CHRD: variants seen among roughly 807,000 people sequenced by gnomAD.
The protein encoded by CHRD is chordin.
A neutral mutation model predicts 113.7 loss-of-function variants in CHRD; 69 were observed. The ratio of observed to expected loss-of-function variants is 0.61; its 90% CI spans 0.50 to 0.74. The LOEUF is 0.74. CHRD is among the 30% of genes least tolerant of loss of function. CHRD has a pLI of 0.00. For missense variants in CHRD, 1,194 were observed against 1,295.8 expected (o/e 0.92, Z 1.21); for synonymous variants, 561 against 540.8 (o/e 1.04, Z -0.52).
At position 184,384,070 on chromosome 3, in the gene CHRD, C is replaced by T. The variant is rs1212486027; in HGVS notation, c.1440+428C>T. Among the ~76,000 whole-genome samples, 3 of 152,130 alleles carry T rather than the reference C, an allele frequency of 2.0e-5. No individual in the cohort carries two copies. The highest frequency in any genetic ancestry group is 1.9e-4 in the East Asian group (1 of 5,180). On this transcript the variant is annotated intron_variant, in intron 12 of 22. Transcript: ENST00000204604. The surrounding 1 kb of genome is among the most constrained non-coding windows in gnomAD (Gnocchi z 4.4). The stretch of plus-strand genomic sequence containing the variant: ...GATTACAGGCGAGAGCCACCGTGCC[C>T]GGCATGATTTGACATTTTTAGTGAG...
At position 184,388,628 on chromosome 3, in the gene CHRD, G is replaced by C; in HGVS notation, c.2596G>C (p.Ala866Pro). 1 of 1,613,214 alleles carries C rather than the reference G, an allele frequency of 6.2e-7. No individual in the cohort carries two copies. ...CCCCCAGCTGGGGGACCCCATGCAG[G>C]CTGATGGGCCCCGGGGCTGCCGTTT... The change falls in exon 21 of 23, where the codon GCT becomes CCT. Residue 866 changes from alanine (A) to proline (P), a missense_variant. Transcript: ENST00000204604. The surrounding 1 kb of genome is among the most constrained non-coding windows in gnomAD (Gnocchi z 6.1).
exon 16 of CHRD, chr3:184,386,503 C>T: frequency 5.8e-6 from 9 of 1,539,744 alleles, no homozygotes; most frequent in Non-Finnish European, 7.8e-6. Context: ...TGCACATAGC[C>T]AACCAATGTG....
chr3:184,381,878 G>A lies in CHRD; in HGVS notation c.612-55G>A, dbSNP rs549792556. The A allele has an allele frequency of 2.4e-4, 379 of 1,611,830 alleles. No homozygotes were observed. In the African/African-American group the frequency reaches 4.7e-3, roughly 20 times the overall value. On this transcript the variant is annotated intron_variant, in intron 5 of 22. Transcript: ENST00000204604. This position sits in a 1 kb window ranked among gnomAD's most constrained non-coding sequence, Gnocchi z 4.7. ...GGGGCCCGGGAGGGAAACTGGGAGAGCTGGGAGGGGCTGCTTTTGGCTCAG... is the reference window on the plus strand; with the variant it reads ...GGGGCCCGGGAGGGAAACTGGGAGAACTGGGAGGGGCTGCTTTTGGCTCAG...
rs1296780028 is a variant in CHRD at position 184,387,947 on chromosome 3, T to A, written c.2468T>A (p.Val823Glu). ...TCCCTACAGGGGGGCACTGGAGAGGTGCACTGTGAGAAGGTGCAGTGTCCC... is the reference window on the plus strand; with the variant it reads ...TCCCTACAGGGGGGCACTGGAGAGGAGCACTGTGAGAAGGTGCAGTGTCCC... The change falls in exon 20 of 23, where the codon GTG becomes GAG. Residue 823 changes from valine to glutamate, a missense_variant. By Grantham distance (121) the Val-to-Glu change is moderately radical (BLOSUM62 -2). Transcript: ENST00000204604. The surrounding 1 kb of genome is among the most constrained non-coding windows in gnomAD (Gnocchi z 6.1). The A allele has an allele frequency of 6.2e-7, 1 of 1,612,520 alleles. No homozygotes were observed. The highest frequency in any genetic ancestry group is 8.5e-7 in the Non-Finnish European group (1 of 1,179,666).
At chr3:184,386,737 C>T (rs549390781) in exon 16 of CHRD, 3 of 1,612,952 alleles carry the variant, frequency 1.9e-6, no homozygotes, top group East Asian at 4.5e-5. Context: ...ACCCGCTCTG[C>T]TCACTCTGCA....
At position 184,387,845 on chromosome 3, in the gene CHRD, C is replaced by T; in HGVS notation, c.2452-86C>T. ...TGAGTAAAAGGCCACAGAGAGACTG[C>T]ATTTGAGGTGTGGAATAGGAGAGGG... On this transcript the variant is annotated intron_variant, in intron 19 of 22. Transcript: ENST00000204604. This position sits in a 1 kb window ranked among gnomAD's most constrained non-coding sequence, Gnocchi z 6.1. 8.3e-7 allele frequency: 1 copy of T among 1,208,530 alleles called. No homozygotes were observed. Among genetic ancestry groups the T allele is most frequent in the South Asian group, 1.3e-5 (1 of 77,078 alleles). 74.9% of individuals were successfully genotyped at this position (1,208,530 alleles called of 1,614,324 possible).
At position 184,384,812 on chromosome 3, in the gene CHRD, G is replaced by A; in HGVS notation, c.1597+119G>A. 7.3e-7 allele frequency: 1 copy of A among 1,376,534 alleles called. No individual in the cohort carries two copies. The highest frequency in any genetic ancestry group is 2.4e-5 in the East Asian group (1 of 41,914). The allele number at this position is 1,376,534 out of a possible 1,614,324, so 85.3% of individuals were successfully genotyped here. A position where few individuals can be genotyped will look rare whatever the true frequency, so the allele number is the denominator to read the frequency against. On this transcript the variant is annotated intron_variant, in intron 13 of 22. Transcript: ENST00000204604. This position sits in a 1 kb window ranked among gnomAD's most constrained non-coding sequence, Gnocchi z 4.4. ...GCCTAAGCTCCGGTTGCCATCTGAA[G>A]GTGGGGACATATAGGGTGGCCCTGC...
chr3:184,387,125 G>T lies in CHRD; in HGVS notation c.2347+18G>T, dbSNP rs375183273. ...AGGAGAGGGTGAGCTGGAAGGGTGCGTGCAGGGTGGGAGGCCCCAGAGGAG... is the reference window on the plus strand; with the variant it reads ...AGGAGAGGGTGAGCTGGAAGGGTGCTTGCAGGGTGGGAGGCCCCAGAGGAG... On this transcript the variant is annotated intron_variant, in intron 18 of 22. Transcript: ENST00000204604. This position sits in a 1 kb window ranked among gnomAD's most constrained non-coding sequence, Gnocchi z 6.1. The T allele has an allele frequency of 6.2e-7, 1 of 1,611,838 alleles. No homozygotes were observed. Among genetic ancestry groups the T allele is most frequent in the Non-Finnish European group, 8.5e-7 (1 of 1,177,892 alleles).
chr3:184,381,794 G>C lies in CHRD; in HGVS notation c.590G>C (p.Arg197Pro). Residue 197 changes from arginine (R) to proline (P), a missense_variant, in exon 5 of 23, where the codon CGC becomes CCC. Transcript: ENST00000204604. This position sits in a 1 kb window ranked among gnomAD's most constrained non-coding sequence, Gnocchi z 4.7. The stretch of plus-strand genomic sequence containing the variant: ...GTCTCGCTGCTGCGCTCTAGCCTCC[G>C]CTTCTCTATCTCCTACAGGCGGTGA... The C allele has an allele frequency of 6.2e-7, 1 of 1,613,340 alleles. No individual in the cohort carries two copies. Among genetic ancestry groups the C allele is most frequent in the South Asian group, 1.1e-5 (1 of 91,030 alleles).
At chr3:184,386,541 C>T in exon 16 of CHRD, 4 of 1,535,176 alleles carry the variant, frequency 2.6e-6, no homozygotes, top group Non-Finnish European at 3.5e-6. Context: ...CTGGAGGCGG[C>T]CGGGGCCGAG....
At chr3:184,382,501 C>G in exon 7 of CHRD, 1 of 1,613,990 alleles carries the variant, frequency 6.2e-7, no homozygotes, top group Non-Finnish European at 8.5e-7. Flanking sequence ...GTCTGGGGGC[C>G]TCTCATCCGG....
At position 184,387,185 on chromosome 3, in the gene CHRD, G is replaced by T; in HGVS notation, c.2347+78G>T. On this transcript the variant is annotated intron_variant, in intron 18 of 22. Transcript: ENST00000204604. The surrounding 1 kb of genome is among the most constrained non-coding windows in gnomAD (Gnocchi z 6.1). ...TGAACCAGGAGGGGGACAAGAAGGG[G>T]AGAGTATATAGGGGGTGGCCTGAGG... 7.0e-7 allele frequency: 1 copy of T among 1,438,626 alleles called. No homozygotes were observed. Among genetic ancestry groups the T allele is most frequent in the South Asian group, 1.2e-5 (1 of 86,914 alleles). The allele number at this position is 1,438,626 out of a possible 1,614,324, so 89.1% of individuals were successfully genotyped here. A position where few individuals can be genotyped will look rare whatever the true frequency, so the allele number is the denominator to read the frequency against.
rs576727607 is a variant in CHRD, at chr3:184,388,836, G to T, written c.2710-57G>T. 8.7e-6 allele frequency: 14 copies of T among 1,604,420 alleles called. No homozygotes were observed. In the Admixed American group the frequency reaches 2.0e-4, roughly 23 times the overall value. On this transcript the variant is annotated intron_variant, in intron 21 of 22. Coordinates refer to ENST00000204604, the Ensembl canonical transcript of CHRD. The surrounding 1 kb of genome is among the most constrained non-coding windows in gnomAD (Gnocchi z 6.1). ...AGGGAGGTCCCTGAAGAAGCTGAAG[G>T]TCACTGTGTCCCAGTGCCTCTGGGG... is the stretch of plus-strand genomic sequence containing the variant.
chr3:184,383,399 A>T (rs769821756), exon 11 of CHRD: 1 of 1,613,980 alleles, frequency 6.2e-7, no homozygotes, highest in Admixed American at 1.7e-5. Context: ...CTGCTAGGAA[A>T]TGGCTCCCTG....
chr3:184,387,416 C>T lies in CHRD; in HGVS notation c.2390C>T (p.Thr797Met), dbSNP rs763703209. Residue 797 changes from threonine to methionine, a missense_variant, in exon 19 of 23, where the codon ACG becomes ATG. Thr to Met is a moderately conservative substitution (Grantham distance 81, BLOSUM62 -1). Transcript: ENST00000204604. This position sits in a 1 kb window ranked among gnomAD's most constrained non-coding sequence, Gnocchi z 6.1. ...GACCGGAGCTGGCGGGCAGCGGGTACGCGGTGGCACCCCGTTGTGCCCCCC... is the reference window on the plus strand; with the variant it reads ...GACCGGAGCTGGCGGGCAGCGGGTATGCGGTGGCACCCCGTTGTGCCCCCC... The T allele has an allele frequency of 2.2e-5, 35 of 1,612,858 alleles. No homozygotes were observed. Among genetic ancestry groups the T allele is most frequent in the African/African-American group, 6.7e-5 (5 of 74,880 alleles).
rs753000064 is a variant in CHRD at position 184,381,380 on chromosome 3, C to T, written c.382+16C>T. ...TGCCCCCAGGGTAAGTCTTGCTCCG[C>T]CCTGCGGGGAGGGAGGCAGGGCCAC... On this transcript the variant is annotated intron_variant, in intron 3 of 22. Transcript: ENST00000204604. This position sits in a 1 kb window ranked among gnomAD's most constrained non-coding sequence, Gnocchi z 4.7. The T allele has an allele frequency of 8.2e-6, 13 of 1,587,112 alleles. No homozygotes were observed. The highest frequency in any genetic ancestry group is 7.2e-5 in the Admixed American group (4 of 55,650).
At chr3:184,389,073 G>T in intron 22 of CHRD, 78 bp downstream of exon 22, 1 of 1,036,650 alleles carries the variant, frequency 9.6e-7, no homozygotes, top group Non-Finnish European at 1.5e-6. Flanking sequence ...AGGGAAGGGA[G>T]CACTCACTGT....
At position 184,384,554 on chromosome 3, in the gene CHRD, T is replaced by G. The variant is rs1232348098; in HGVS notation, c.1458T>G (p.Pro486=). The change falls in exon 13 of 23, where the codon CCT becomes CCG. Residue 486 remains proline, a synonymous_variant. Transcript: ENST00000204604. The surrounding 1 kb of genome is among the most constrained non-coding windows in gnomAD (Gnocchi z 4.4). ...GCCCCCAGGCCGTGGGTATCTGCCC[T>G]GGGCTGGGTGCCCGAGGGGCTCATA... The G allele has an allele frequency of 1.3e-6, 2 of 1,578,248 alleles. No individual in the cohort carries two copies. Among genetic ancestry groups the G allele is most frequent in the Non-Finnish European group, 1.7e-6 (2 of 1,162,956 alleles).
exon 16 of CHRD, chr3:184,386,529 G>A (rs1167407707): frequency 3.9e-6 from 6 of 1,537,024 alleles, no homozygotes; most frequent in Non-Finnish European, 5.2e-6. Flanking sequence ...GGCGGACTGC[G>A]CCTGGAGGCG....
Sources: allele counts gnomAD v4.1 joint callset (sites outside exome capture counted in the v4.1 genomes callset), GRCh38; gene constraint gnomAD v4.1.1; non-coding constraint Gnocchi (gnomAD v3.1); transcripts MANE v1.5; gene names NCBI Gene and HGNC (gene_info 2026-07-23, HGNC 2026-07-21).